BCAS1: variants seen among roughly 807,000 people sequenced by gnomAD.
BCAS1 encodes breast carcinoma-amplified sequence 1.
BCAS1 carries 46 observed loss-of-function variants against 65.4 expected under a neutral mutation model. The observed-to-expected ratio is 0.70, with a 90% CI of 0.55 to 0.90. The LOEUF is 0.90. Among genes scored for constraint, BCAS1 ranks in the 40% least tolerant of loss-of-function variants. The probability of loss-of-function intolerance (pLI) is 0.00; values close to 1 mark genes in which losing one functional copy is unlikely to be tolerated. For synonymous variants in BCAS1, 298 were observed against 293.5 expected, an observed-to-expected ratio of 1.02 and a Z score of -0.16; for missense variants, 793 against 771.2, an observed-to-expected ratio of 1.03 and a Z score of -0.33.
intron 9 of BCAS1, among the ~76,000 whole-genome samples, chr20:53,975,093 G>A (rs1190426126): frequency 1.3e-5 from 2 of 152,168 alleles, no homozygotes; most frequent in Non-Finnish European, 2.9e-5. Context: ...ATCCCTCAAG[G>A]AAGCGCAAAG....
intron 4 of BCAS1, among the ~76,000 whole-genome samples, chr20:54,002,321 C>G (rs561950446): frequency 6.6e-6 from 1 of 152,218 alleles, no homozygotes. Flanking sequence ...TGTCCCGTCT[C>G]TCAGAGAACA....
chr20:54,060,738 G>A (rs563657874), intron 1 of BCAS1, among the ~76,000 whole-genome samples: 8 of 152,184 alleles, frequency 5.3e-5, no homozygotes, highest in Non-Finnish European at 4.4e-5. Context: ...TGTCCCATAG[G>A]TGAAGGGCAA....
intron 12 of BCAS1, 78 bp from the exon 13 acceptor site, chr20:53,945,074 C>CAGAG: frequency 4.9e-6 from 6 of 1,220,108 alleles, no homozygotes; most frequent in Non-Finnish European, 7.3e-6. Context: ...TTATGTAGCA[C>CAGAG]TTACTCTGTG....
chr20:54,039,124 C>T (rs1040795261), intron 3 of BCAS1, among the ~76,000 whole-genome samples: 1 of 151,494 alleles, frequency 6.6e-6, no homozygotes. Flanking sequence ...TCAAATGACA[C>T]TTCAAACAAC....
intron 8 of BCAS1, among the ~76,000 whole-genome samples, chr20:53,976,282 T>C (rs1376751388): frequency 6.6e-6 from 1 of 152,222 alleles, no homozygotes; most frequent in African/African-American, 2.4e-5. Context: ...ACTCATTTGA[T>C]AGATCTGGAC....
chr20:53,957,218 T>C (rs2089726881), intron 11 of BCAS1, among the ~76,000 whole-genome samples: 1 of 152,168 alleles, frequency 6.6e-6, no homozygotes. Flanking sequence ...GAAGCACATG[T>C]GTGAAAGTTT....
intron 3 of BCAS1, among the ~76,000 whole-genome samples, chr20:54,042,727 A>G (rs1330444508): frequency 1.3e-5 from 2 of 152,228 alleles, no homozygotes; most frequent in African/African-American, 4.8e-5. Context: ...TGCTATGTGT[A>G]TGCACCTACC....
rs1406776985 is a variant in BCAS1, at chr20:53,992,565, G to A, written c.1009C>T (p.His337Tyr). The A allele has an allele frequency of 4.3e-5, 59 of 1,365,198 alleles. No homozygotes were observed. Among genetic ancestry groups the A allele is most frequent in the Non-Finnish European group, 5.6e-5 (57 of 1,021,638 alleles). The allele number at this position is 1,365,198 out of a possible 1,614,324, so 84.6% of individuals were successfully genotyped here. A position where few individuals can be genotyped will look rare whatever the true frequency, so the allele number is the denominator to read the frequency against. The change falls in exon 7 of 13, where the codon CAC (histidine) becomes TAC (tyrosine). Residue 337 changes from histidine (H) to tyrosine (Y), a missense_variant. By Grantham distance (83) the His-to-Tyr change is moderately conservative. Transcript: ENST00000688948. ...EIQARGTKKK[H>Y]LDSPRLGLAF... The stretch of plus-strand genomic sequence containing the variant: ...AGTCCTAGCCTGGGGCTATCCAGGT[G>A]CTTTTTCTTGGTGCCTCTAGCCTGG...
In BCAS1 at chr20:53,960,880, T is replaced by TA. The variant is rs527571320; in HGVS notation, c.1486-3384dup. Reference sequence around the variant, plus strand: ...TAGCAAAGTTACTGTTTAAAGAGACTAAAATTCTTCCAGAGACTATTTAAT... The same window carrying TA: ...TAGCAAAGTTACTGTTTAAAGAGACTAAAAATTCTTCCAGAGACTATTTAAT... On this transcript the variant is annotated intron_variant, in intron 10 of 12. Transcript: ENST00000688948. Among the ~76,000 whole-genome samples, 101 of 152,356 alleles carry TA rather than the reference T, an allele frequency of 6.6e-4. 1 individual carries two copies. Among genetic ancestry groups the TA allele is most frequent in the Admixed American group, 2.9e-3 (45 of 15,306 alleles).
At chr20:54,058,616 G>A in intron 2 of BCAS1, 31 bp downstream of exon 2, 1 of 1,043,774 alleles carries the variant, frequency 9.6e-7, no homozygotes, top group Non-Finnish European at 1.2e-6. Context: ...TTTTTTTTCT[G>A]CTGATGCCCC....
chr20:54,010,164 T>C (rs1600858529), intron 4 of BCAS1, among the ~76,000 whole-genome samples: 1 of 152,160 alleles, frequency 6.6e-6, no homozygotes, highest in African/African-American at 2.4e-5. Flanking sequence ...CTCCTAAGAT[T>C]AGGAGCAAGG....
chr20:54,026,998 C>T (rs2091687116), intron 4 of BCAS1, among the ~76,000 whole-genome samples: 1 of 152,178 alleles, frequency 6.6e-6, no homozygotes. Context: ...CTCACCTGTT[C>T]CTAGTACAGT....
chr20:54,029,226 A>T, intron 3 of BCAS1: 2 of 985,340 alleles, frequency 2.0e-6, no homozygotes, highest in Non-Finnish European at 2.4e-6. Flanking sequence ...GTGTGGAATG[A>T]GTGATATTCA....
intron 3 of BCAS1, among the ~76,000 whole-genome samples, chr20:54,030,156 C>T (rs1013598340): frequency 6.6e-6 from 1 of 152,146 alleles, no homozygotes; most frequent in Non-Finnish European, 1.5e-5. Context: ...AAAGGTCCTT[C>T]TTTTCTAGGA....
intron 12 of BCAS1, among the ~76,000 whole-genome samples, chr20:53,949,204 GCACACA>G (rs60877872): frequency 2.0e-4 from 17 of 84,342 alleles, no homozygotes; most frequent in Admixed American, 1.8e-3. Context: ...GCATATATCC[GCACACA>G]CACACACACA....
chr20:53,983,806 C>T (rs1248038811), intron 8 of BCAS1, among the ~76,000 whole-genome samples: 1 of 152,162 alleles, frequency 6.6e-6, no homozygotes, highest in Non-Finnish European at 1.5e-5. Flanking sequence ...TCTCCACCCA[C>T]TTCTCCTTCC....
In BCAS1 at chr20:54,014,782, C is replaced by T. The variant is rs376589706; in HGVS notation, c.723+13610G>A. Among the ~76,000 whole-genome samples, 24 of 152,274 alleles carry T rather than the reference C, an allele frequency of 1.6e-4. 1 individual carries two copies. Among genetic ancestry groups the T allele is most frequent in the East Asian group, 9.7e-4 (5 of 5,180 alleles). Reference sequence around the variant, plus strand: ...CTTCCTCTCCCCAGAGAATATCACGCGAGCACAGAGGGTTCGATTTGCTGG... The same window carrying T: ...CTTCCTCTCCCCAGAGAATATCACGTGAGCACAGAGGGTTCGATTTGCTGG... On this transcript the variant is annotated intron_variant, in intron 4 of 12. Coordinates refer to ENST00000688948, the MANE Select transcript of BCAS1 (RefSeq NM_001366298.2).
At chr20:54,005,029 GTTTAA>G (rs2091150335) in intron 4 of BCAS1, among the ~76,000 whole-genome samples, 2 of 152,194 alleles carry the variant, frequency 1.3e-5, no homozygotes, top group South Asian at 2.1e-4. Flanking sequence ...TTATTATTGT[GTTTAA>G]TTTAATTACT....
chr20:53,974,106 A>G (rs1389058392), intron 9 of BCAS1, among the ~76,000 whole-genome samples: 3 of 152,170 alleles, frequency 2.0e-5, no homozygotes, highest in Admixed American at 2.0e-4. Context: ...AGGATTGTAA[A>G]TGCACCAATC....
Sources: allele counts gnomAD v4.1 joint callset (sites outside exome capture counted in the v4.1 genomes callset), GRCh38; gene constraint gnomAD v4.1.1; transcripts MANE v1.5; gene names NCBI Gene and HGNC (gene_info 2026-07-23, HGNC 2026-07-21).